The following NAALADL2 variants were observed in gnomAD, a reference collection of about 807,000 sequenced individuals.
NAALADL2 encodes the protein N-acetylated alpha-linked acidic dipeptidase like 2, also known as inactive N-acetylated-alpha-linked acidic dipeptidase-like protein 2.
In NAALADL2, 76 loss-of-function variants were observed where a neutral mutation model predicts 87.2. The ratio of observed to expected loss-of-function variants is 0.87; its 90% CI spans 0.72 to 1.05. NAALADL2 has a LOEUF of 1.05. NAALADL2 is among the 50% of genes least tolerant of loss of function. The pLI is 0.00. For missense variants in NAALADL2, 1,089 were observed against 945.8 expected, an observed-to-expected ratio of 1.15 and a Z score of -1.99; for synonymous variants, 354 against 331.0, an observed-to-expected ratio of 1.07 and a Z score of -0.75.
intron 1 of NAALADL2, among the ~76,000 whole-genome samples, chr3:174,894,645 C>T (rs530327821): frequency 1.3e-5 from 1 of 74,946 alleles, no homozygotes; most frequent in Non-Finnish European, 2.7e-5. Context: ...AAAAAAAAAT[C>T]AGTGAAGAAA....
chr3:175,588,541 T>TC lies in NAALADL2; in HGVS notation c.1800+12354_1800+12355insC, dbSNP rs1370757552. On this transcript the variant is annotated intron_variant, in intron 10 of 13. Coordinates refer to ENST00000454872, the MANE Select transcript of NAALADL2 (RefSeq NM_207015.3). ...ACTTTCTTTCTTTCTTTTCTTTTTTTTTTTTTTTTTTTTTTGAGATGGAAT... is the reference window on the plus strand; with the variant it reads ...ACTTTCTTTCTTTCTTTTCTTTTTTTCTTTTTTTTTTTTTTTGAGATGGAAT... 6.8e-5 allele frequency among the ~76,000 whole-genome samples: 9 copies of TC among 131,630 alleles called. No individual in the cohort carries two copies. The East Asian group carries it at 8.3e-4, about 12-fold the overall frequency. 86.4% of individuals were successfully genotyped at this position (131,630 alleles called of 152,430 possible).
intron 1 of NAALADL2, among the ~76,000 whole-genome samples, chr3:174,520,337 A>G (rs1267904200): frequency 1.3e-5 from 2 of 152,204 alleles, no homozygotes; most frequent in African/African-American, 4.8e-5. Context: ...AGTAACTAAA[A>G]GAGAATAGTA....
At chr3:174,978,680 G>T (rs73176717) in intron 1 of NAALADL2, among the ~76,000 whole-genome samples, 1 of 152,138 alleles carries the variant, frequency 6.6e-6, no homozygotes, top group East Asian at 1.9e-4. Flanking sequence ...TCCAAATGTG[G>T]CTGAGGTAAA....
chr3:175,438,488 T>C (rs1719130326), intron 5 of NAALADL2, among the ~76,000 whole-genome samples: 1 of 152,150 alleles, frequency 6.6e-6, no homozygotes, highest in Admixed American at 6.6e-5. Flanking sequence ...TATTCCAGGA[T>C]AACATCACTG....
chr3:174,818,775 C>T (rs1721072844), intron 3 of NAALADL2, among the ~76,000 whole-genome samples: 1 of 152,028 alleles, frequency 6.6e-6, no homozygotes, highest in African/African-American at 2.4e-5. Context: ...TAGACCAAGT[C>T]TATGTGGTTA....
intron 5 of NAALADL2, among the ~76,000 whole-genome samples, chr3:175,348,010 T>C (rs1763335359): frequency 6.6e-6 from 1 of 152,076 alleles, no homozygotes. Context: ...CCTGTGTTAG[T>C]TTGCTGAGAA....
chr3:175,027,597 G>T (rs543971569), intron 1 of NAALADL2, among the ~76,000 whole-genome samples: 1 of 152,116 alleles, frequency 6.6e-6, no homozygotes, highest in African/African-American at 2.4e-5. Context: ...CATTCAATCA[G>T]CTCTTCCCCG....
intron 13 of NAALADL2, among the ~76,000 whole-genome samples, chr3:175,765,854 T>C (rs550149746): frequency 1.4e-3 from 220 of 152,250 alleles, no homozygotes; most frequent in Non-Finnish European, 2.6e-3. Flanking sequence ...CAGATTGGTC[T>C]TATTATTCCC....
chr3:174,737,674 A>G (rs1417216149), exon 3 of NAALADL2: 1 of 152,216 alleles, frequency 6.6e-6, no homozygotes, highest in African/African-American at 2.4e-5. Context: ...ACCTGGATGA[A>G]GACTGGGTCC....
At chr3:175,088,633 G>T (rs368085159) in intron 1 of NAALADL2, among the ~76,000 whole-genome samples, 1 of 152,170 alleles carries the variant, frequency 6.6e-6, no homozygotes, top group African/African-American at 2.4e-5. Context: ...AACCAATAAA[G>T]TACCTTTGAA....
chr3:174,811,076 C>T (rs998987255), intron 3 of NAALADL2, among the ~76,000 whole-genome samples: 2 of 152,196 alleles, frequency 1.3e-5, no homozygotes, highest in African/African-American at 2.4e-5. Flanking sequence ...GAGCCTCCAC[C>T]TAGATTGCAG....
chr3:175,579,405 C>T (rs1010446516), intron 10 of NAALADL2, among the ~76,000 whole-genome samples: 1 of 152,126 alleles, frequency 6.6e-6, no homozygotes, highest in African/African-American at 2.4e-5. Context: ...TCAAGCTATT[C>T]CACATTCCCA....
chr3:175,077,655 A>G (rs1361734891), intron 1 of NAALADL2, among the ~76,000 whole-genome samples: 1 of 152,194 alleles, frequency 6.6e-6, no homozygotes, highest in Non-Finnish European at 1.5e-5. Context: ...TTATATAGTA[A>G]TATCATAAAT....
At chr3:174,780,966 C>G (rs1715898463) in intron 3 of NAALADL2, among the ~76,000 whole-genome samples, 1 of 152,042 alleles carries the variant, frequency 6.6e-6, no homozygotes, top group African/African-American at 2.4e-5. Flanking sequence ...TCATGTAAGG[C>G]AGGTGACATG....
At chr3:174,959,356 G>C (rs767838990) in intron 1 of NAALADL2, among the ~76,000 whole-genome samples, 16 of 151,976 alleles carry the variant, frequency 1.1e-4, no homozygotes, top group South Asian at 4.1e-4. Context: ...CCTAATCTTG[G>C]AGATTATTAT....
chr3:175,336,379 T>A (rs1337972158), intron 5 of NAALADL2, among the ~76,000 whole-genome samples: 1 of 152,216 alleles, frequency 6.6e-6, no homozygotes, highest in Non-Finnish European at 1.5e-5. Flanking sequence ...CTGGAATTAC[T>A]ACTACACAGT....
chr3:174,509,706 G>A (rs548819562), intron 1 of NAALADL2, among the ~76,000 whole-genome samples: 24 of 150,122 alleles, frequency 1.6e-4, no homozygotes, highest in African/African-American at 5.6e-4. Flanking sequence ...GATTACAGGC[G>A]TGAGCCACCG....
Position 175,451,845 on chromosome 3 carries a change from A to C in NAALADL2, c.1234+4473A>C, listed in dbSNP as rs557647554. The stretch of plus-strand genomic sequence containing the variant: ...ACAATTCTATATTTTTATGAAAATT[A>C]CTTTTATTATTAAAATGACATAGTG... On this transcript the variant is annotated intron_variant, in intron 6 of 13. Transcript: ENST00000454872. Among the ~76,000 whole-genome samples, 7 of 152,176 alleles carry C rather than the reference A, an allele frequency of 4.6e-5. No individual in the cohort carries two copies. In the South Asian group the frequency reaches 1.5e-3, roughly 32 times the overall value.
intron 1 of NAALADL2, among the ~76,000 whole-genome samples, chr3:174,530,360 G>A (rs979968556): frequency 1.3e-5 from 2 of 152,142 alleles, no homozygotes; most frequent in Middle Eastern, 3.4e-3. Context: ...CAGCATTTTG[G>A]TCAAAGCCAT....
Sources: gnomAD v4.1 joint callset for allele counts (sites outside exome capture counted in the v4.1 genomes callset) on GRCh38, gnomAD v4.1.1 for gene constraint, MANE v1.5 for transcripts, NCBI Gene and HGNC (gene_info 2026-07-23, HGNC 2026-07-21) for gene names.